The following LAMP2 variants were observed in gnomAD, a reference collection of about 807,000 sequenced individuals.
LAMP2 encodes lysosome-associated membrane glycoprotein 2.
A neutral mutation model predicts 25.6 loss-of-function variants in LAMP2; 4 were observed. That is an observed-to-expected ratio of 0.16 (90% CI 0.08 to 0.36). The LOEUF is 0.36. Among genes scored for constraint, LAMP2 ranks in the 10% least tolerant of loss-of-function variants. The probability of loss-of-function intolerance (pLI) is 1.00; values close to 1 mark genes in which losing one functional copy is unlikely to be tolerated. For missense variants in LAMP2, 272 were observed against 301.4 expected (o/e 0.90, Z 0.72); for synonymous variants, 108 against 112.7 (o/e 0.96, Z 0.27).
Position 120,431,179 on chromosome X carries a change from A to C in LAMP2, c.*144T>G. 1 of 1,160,853 alleles carries C rather than the reference A, an allele frequency of 8.6e-7. No individual in the cohort carries two copies. Among genetic ancestry groups the C allele is most frequent in the Non-Finnish European group, 1.2e-6 (1 of 868,475 alleles). On this transcript the variant is annotated 3_prime_UTR_variant, in exon 9 of 9. Transcript: ENST00000200639. ...TAAAGAGAACAGGTTTTATTAATAAAGACTGATCTCAAAATGCTGGGATTG... is the reference window on the plus strand; with the variant it reads ...TAAAGAGAACAGGTTTTATTAATAACGACTGATCTCAAAATGCTGGGATTG...
chrX:120,431,435 T>C lies in LAMP2; in HGVS notation c.1121A>G (p.Asn374Ser). ...TCCCACCGCTATGGGCACAAGGAAG[T>C]TGTCGTCATCTGCACTGCAGTCTTG... Reference protein sequence around the residue: ...TAQDCSADDDNFLVPIAVGAA... With the variant: ...TAQDCSADDDSFLVPIAVGAA... Residue 374 changes from asparagine (N) to serine (S), a missense_variant, in exon 9 of 9, where the codon AAC (asparagine) becomes AGC (serine). By Grantham distance (46) the Asn-to-Ser change is conservative. Transcript: ENST00000200639. The C allele has an allele frequency of 8.3e-7, 1 of 1,210,869 alleles. No individual in the cohort carries two copies. The highest frequency in any genetic ancestry group is 1.7e-5 in the African/African-American group (1 of 57,852).
rs1355254435 is a variant in LAMP2 at position 120,469,245 on chromosome X, C to T, written c.-76G>A. 3 of 1,073,501 alleles carry T rather than the reference C, an allele frequency of 2.8e-6. No homozygotes were observed. The highest frequency in any genetic ancestry group is 6.1e-5 in the East Asian group (2 of 32,899). The allele number at this position is 1,073,501 out of a possible 1,213,427, so 88.5% of individuals were successfully genotyped here. On this transcript the variant is annotated 5_prime_UTR_variant, in exon 1 of 9. Coordinates refer to ENST00000200639, the MANE Select transcript of LAMP2 (RefSeq NM_002294.3). Reference sequence around the variant, plus strand: ...GCTGCAACACCAGGGAAAAGGCTCGCTGGACCTGGGTCAAGAGCACTGATG... The same window carrying T: ...GCTGCAACACCAGGGAAAAGGCTCGTTGGACCTGGGTCAAGAGCACTGATG...
intron 2 of LAMP2, 111 bp from the exon 3 acceptor site, chrX:120,455,681 T>A (rs1921063624): frequency 1.7e-6 from 1 of 576,757 alleles, no homozygotes; most frequent in African/African-American, 2.3e-5. Flanking sequence ...CATGGCCAGG[T>A]TGCCCTTTGC....
rs1376961598 is a variant in LAMP2, at chrX:120,438,720, AC to A, written c.1093+3009del. On this transcript the variant is annotated intron_variant, in intron 8 of 8. Transcript: ENST00000200639. Reference sequence around the variant, plus strand: ...CACACACACACACACACACACACACACACACACACACAAAAAGAGCAAAAGG... The same window carrying A: ...CACACACACACACACACACACACACAACACACACACAAAAAGAGCAAAAGG... The A allele has an allele frequency of 1.7e-3, 1,311 of 793,043 alleles. 3 individuals carry two copies. The highest frequency in any genetic ancestry group is 1.9e-3 in the Non-Finnish European group (1,245 of 666,606). 65.4% of individuals were successfully genotyped at this position (793,043 alleles called of 1,213,427 possible).
At chrX:120,466,578 G>A (rs903221128) in intron 1 of LAMP2, among the ~76,000 whole-genome samples, 7 of 111,882 alleles carry the variant, frequency 6.3e-5, no homozygotes, top group Non-Finnish European at 1.3e-4. Flanking sequence ...TTTCCTGCGC[G>A]CTGTGAACAG....
chrX:120,461,114 A>G (rs1026924338), intron 1 of LAMP2, among the ~76,000 whole-genome samples: 3 of 112,426 alleles, frequency 2.7e-5, no homozygotes, highest in African/African-American at 6.5e-5. Context: ...ATATCTAGGA[A>G]TGAAACTGTG....
In LAMP2 at chrX:120,427,653, T is replaced by C. The variant is rs2058503915; in HGVS notation, c.*3670A>G. On this transcript the variant is annotated 3_prime_UTR_variant, in exon 9 of 9. Transcript: ENST00000200639. The stretch of plus-strand genomic sequence containing the variant: ...ACACAAACAAAGTATATAGAGTTTT[T>C]GTTTTCAGTGCAGGATAAATGAACC... 2.7e-5 allele frequency among the ~76,000 whole-genome samples: 3 copies of C among 111,974 alleles called. No individual in the cohort carries two copies. Among genetic ancestry groups the C allele is most frequent in the Non-Finnish European group, 5.6e-5 (3 of 53,164 alleles).
chrX:120,447,851 G>C lies in LAMP2; in HGVS notation c.731C>G (p.Thr244Ser), dbSNP rs1288096114. The change falls in exon 5 of 9, where the codon ACT becomes AGT. Residue 244 changes from threonine (T) to serine (S), a missense_variant. Thr to Ser is a moderately conservative substitution (Grantham distance 58). Coordinates refer to ENST00000200639, the MANE Select transcript of LAMP2 (RefSeq NM_002294.3). ...LATMGLQLNI[T>S]QDKVASVINI... is the part of the protein sequence containing the mutation. ...GATAGACACCTATACCTTATCCTGA[G>C]TGATGTTCAGCTGCAGCCCCATGGT... is the stretch of plus-strand genomic sequence containing the variant. The C allele has an allele frequency of 3.3e-6, 4 of 1,208,232 alleles. No individual in the cohort carries two copies. The highest frequency in any genetic ancestry group is 4.5e-6 in the Non-Finnish European group (4 of 892,090).
chrX:120,456,676 C>G lies in LAMP2; in HGVS notation c.158G>C (p.Arg53Pro). The G allele has an allele frequency of 1.7e-6, 2 of 1,143,680 alleles. No homozygotes were observed. Among genetic ancestry groups the G allele is most frequent in the Non-Finnish European group, 2.4e-6 (2 of 839,503 alleles). 94.3% of individuals were successfully genotyped at this position (1,143,680 alleles called of 1,213,427 possible). A position where few individuals can be genotyped will look rare whatever the true frequency, so the allele number is the denominator to read the frequency against. Reference protein sequence around the residue: ...YAKWQMNFTVRYETTNKTYKT... With the variant: ...YAKWQMNFTVPYETTNKTYKT... The stretch of plus-strand genomic sequence containing the variant: ...ATAAGTTTTATTTGTAGTTTCATAG[C>G]GTACTGTGAAATTCATCTGCCATTT... Residue 53 changes from arginine to proline, a missense_variant, in exon 2 of 9, where the codon CGC (arginine) becomes CCC (proline). Coordinates refer to ENST00000200639, the MANE Select transcript of LAMP2 (RefSeq NM_002294.3).
chrX:120,448,348 C>T (rs753846877), intron 4 of LAMP2, among the ~76,000 whole-genome samples: 134 of 112,135 alleles, frequency 1.2e-3, no homozygotes, highest in African/African-American at 3.9e-3. Context: ...GCCTCTGATA[C>T]GAAATTCAGA....
At chrX:120,443,625 T>C (rs2058583284) in intron 6 of LAMP2, among the ~76,000 whole-genome samples, 1 of 111,013 alleles carries the variant, frequency 9.0e-6, no homozygotes, top group Non-Finnish European at 1.9e-5. Context: ...AAAGGAAACA[T>C]AAGGTTCATA....
Position 120,431,114 on chromosome X carries a change from C to G in LAMP2, c.*209G>C, listed in dbSNP as rs1265758827. On this transcript the variant is annotated 3_prime_UTR_variant, in exon 9 of 9. Coordinates refer to ENST00000200639, the MANE Select transcript of LAMP2 (RefSeq NM_002294.3). ...GATGTTCTTTTGAACAAGTTTGTCT[C>G]CAGGACCAGTAAATATGACACTTTG... 2 of 1,045,647 alleles carry G rather than the reference C, an allele frequency of 1.9e-6. No individual in the cohort carries two copies. Among genetic ancestry groups the G allele is most frequent in the African/African-American group, 3.8e-5 (2 of 52,179 alleles). The allele number at this position is 1,045,647 out of a possible 1,213,427, so 86.2% of individuals were successfully genotyped here.
chrX:120,456,124 C>A (rs1401562777), intron 2 of LAMP2, among the ~76,000 whole-genome samples: 1 of 106,582 alleles, frequency 9.4e-6, no homozygotes, highest in Non-Finnish European at 1.9e-5. Flanking sequence ...ACTCAACCTC[C>A]TGAGCTCAAG....
chrX:120,442,391 A>G (rs2058577241), intron 7 of LAMP2, among the ~76,000 whole-genome samples: 1 of 111,445 alleles, frequency 9.0e-6, no homozygotes, highest in Admixed American at 9.5e-5. Context: ...CTTAATTATT[A>G]TCTACTCTAC....
chrX:120,440,396 C>A (rs1268955472), intron 8 of LAMP2, among the ~76,000 whole-genome samples: 4 of 111,962 alleles, frequency 3.6e-5, no homozygotes, highest in Non-Finnish European at 7.5e-5. Context: ...TATTGCAATT[C>A]TATTTCTTTC....
At chrX:120,468,280 A>AT (rs778749752) in intron 1 of LAMP2, among the ~76,000 whole-genome samples, 29 of 110,972 alleles carry the variant, frequency 2.6e-4, no homozygotes, top group African/African-American at 9.5e-4. Flanking sequence ...ACGTCTGGGG[A>AT]TTTTTTTGTC....
chrX:120,456,774 AT>A lies in LAMP2; in HGVS notation c.65-6del. 9.9e-7 allele frequency: 1 copy of A among 1,008,603 alleles called. No individual in the cohort carries two copies. Among genetic ancestry groups the A allele is most frequent in the East Asian group, 3.2e-5 (1 of 31,684 alleles). 83.1% of individuals were successfully genotyped at this position (1,008,603 alleles called of 1,213,427 possible). ...ATGCATAAGACCGCACAGCTCCTGGATTCATTTAAAAAAATAATATTTTAAA... is the reference window on the plus strand; with the variant it reads ...ATGCATAAGACCGCACAGCTCCTGGATCATTTAAAAAAATAATATTTTAAA... On this transcript the variant is annotated splice_region_variant and splice_polypyrimidine_tract_variant and intron_variant, in intron 1 of 8. Transcript: ENST00000200639.
At chrX:120,436,723 A>T in intron 8 of LAMP2, 9 of 731,695 alleles carry the variant, frequency 1.2e-5, no homozygotes, top group Non-Finnish European at 1.5e-5. Context: ...TACAAATAAA[A>T]CTACAAAAGG....
At chrX:120,434,880 G>T (rs2058536497) in intron 8 of LAMP2, among the ~76,000 whole-genome samples, 3 of 111,943 alleles carry the variant, frequency 2.7e-5, no homozygotes, top group African/African-American at 9.7e-5. Context: ...TATAATAACA[G>T]CAGTTCAGGA....
Sources: gnomAD v4.1 joint callset for allele counts (sites outside exome capture counted in the v4.1 genomes callset) on GRCh38, gnomAD v4.1.1 for gene constraint, MANE v1.5 for transcripts, NCBI Gene and HGNC (gene_info 2026-07-23, HGNC 2026-07-21) for gene names.